COG5: variants seen among roughly 807,000 people sequenced by gnomAD.
COG5 encodes conserved oligomeric Golgi complex subunit 5.
In COG5, 86 loss-of-function variants were observed where a neutral mutation model predicts 110.4. The observed-to-expected ratio is 0.78, with a 90% CI of 0.65 to 0.93. COG5 has a LOEUF of 0.93. Ranked by LOEUF, COG5 falls within the 40% of genes least tolerant of loss-of-function variation. COG5 has a pLI of 0.00. For missense variants in COG5, 1,077 were observed against 987.0 expected, an observed-to-expected ratio of 1.09 and a Z score of -1.22; for synonymous variants, 360 against 334.6, an observed-to-expected ratio of 1.08 and a Z score of -0.83.
At chr7:107,329,931 C>T (rs1302343710) in intron 10 of COG5, among the ~76,000 whole-genome samples, 4 of 152,248 alleles carry the variant, frequency 2.6e-5, no homozygotes, top group East Asian at 1.9e-4. Context: ...GTCAAAACTA[C>T]ATCACATAAA....
intron 6 of COG5, among the ~76,000 whole-genome samples, chr7:107,484,977 G>C (rs1797571904): frequency 6.6e-6 from 1 of 152,080 alleles, no homozygotes; most frequent in Non-Finnish European, 1.5e-5. Context: ...ATGGCCTCTA[G>C]GTTTTCTAGT....
At chr7:107,318,695 T>C (rs566963961) in intron 11 of COG5, among the ~76,000 whole-genome samples, 4 of 152,270 alleles carry the variant, frequency 2.6e-5, no homozygotes, top group Admixed American at 6.5e-5. Flanking sequence ...CCTGTGTACA[T>C]AGAGAGTGAG....
At chr7:107,503,034 TG>T (rs71522837) in intron 6 of COG5, among the ~76,000 whole-genome samples, 482 of 152,242 alleles carry the variant, frequency 3.2e-3, no homozygotes, top group Non-Finnish European at 4.2e-3. Flanking sequence ...TATTTATTTT[TG>T]TTGCATTTGC....
intron 6 of COG5, among the ~76,000 whole-genome samples, chr7:107,433,100 G>A (rs913482139): frequency 6.6e-6 from 1 of 152,066 alleles, no homozygotes; most frequent in African/African-American, 2.4e-5. Flanking sequence ...ATCAAAAAGA[G>A]TAAGACACTT....
At chr7:107,325,853 T>C (rs897940078) in intron 10 of COG5, among the ~76,000 whole-genome samples, 9 of 152,330 alleles carry the variant, frequency 5.9e-5, no homozygotes, top group African/African-American at 1.7e-4. Flanking sequence ...ATAAGTCTTA[T>C]GGTTGTAAAT....
chr7:107,294,902 T>C (rs1160336592), intron 12 of COG5, among the ~76,000 whole-genome samples: 1 of 109,922 alleles, frequency 9.1e-6, no homozygotes, highest in African/African-American at 3.3e-5. Flanking sequence ...TGTGTGTGTG[T>C]GTGTGTGTGT....
chr7:107,437,916 T>C (rs1445888918), intron 6 of COG5, among the ~76,000 whole-genome samples: 1 of 152,158 alleles, frequency 6.6e-6, no homozygotes, highest in Non-Finnish European at 1.5e-5. Context: ...TAGCAAAATA[T>C]GTCCATGAGA....
chr7:107,503,325 C>G (rs114511474), intron 6 of COG5, among the ~76,000 whole-genome samples: 2,255 of 152,194 alleles, frequency 0.015, 56 homozygotes, highest in African/African-American at 0.052. Flanking sequence ...GGCTTTATTT[C>G]TGAGTTCTCT....
intron 21 of COG5, chr7:107,209,679 G>T: frequency 3.1e-6 from 1 of 327,028 alleles, no homozygotes; most frequent in Non-Finnish European, 4.4e-6. Context: ...ACAGATGGCT[G>T]TGGTGTAATG....
At chr7:107,509,627 A>C (rs899652642) in intron 6 of COG5, among the ~76,000 whole-genome samples, 2 of 152,214 alleles carry the variant, frequency 1.3e-5, no homozygotes, top group Admixed American at 1.3e-4. Context: ...TGAAGGACAA[A>C]ATGTTAAGGG....
intron 6 of COG5, among the ~76,000 whole-genome samples, chr7:107,433,667 T>C (rs1794174657): frequency 6.6e-6 from 1 of 152,120 alleles, no homozygotes; most frequent in African/African-American, 2.4e-5. Flanking sequence ...ATACGCAAAA[T>C]TTAACTCAAA....
intron 6 of COG5, among the ~76,000 whole-genome samples, chr7:107,431,566 C>T (rs919744211): frequency 6.6e-6 from 1 of 152,108 alleles, no homozygotes; most frequent in Non-Finnish European, 1.5e-5. Flanking sequence ...TTATTTGGGG[C>T]ATCATCAAAC....
chr7:107,221,503 A>T (rs552506773), intron 19 of COG5, among the ~76,000 whole-genome samples: 17 of 152,072 alleles, frequency 1.1e-4, no homozygotes, highest in Non-Finnish European at 2.1e-4. Flanking sequence ...GGTGGCTCAC[A>T]CCTGTAATCC....
At chr7:107,329,609 T>C (rs191919193) in intron 10 of COG5, among the ~76,000 whole-genome samples, 44 of 152,288 alleles carry the variant, frequency 2.9e-4, no homozygotes, top group Non-Finnish European at 5.0e-4. Flanking sequence ...AGAAATGTTA[T>C]TGCCATGTGC....
In COG5 at chr7:107,291,424, C is replaced by G. The variant is rs566109062; in HGVS notation, c.1313+6718G>C. Among the ~76,000 whole-genome samples, 7 of 152,218 alleles carry G rather than the reference C, an allele frequency of 4.6e-5. No homozygotes were observed. The South Asian group carries it at 8.3e-4, about 18-fold the overall frequency. On this transcript the variant is annotated intron_variant, in intron 12 of 21. Transcript: ENST00000297135. The stretch of plus-strand genomic sequence containing the variant: ...TGTTGCAACTCTGGGTACTGGTCCC[C>G]GCAGCTCTAAGGCTTGTTATTGTTG...
intron 7 of COG5, 84 bp downstream of exon 7, chr7:107,412,418 T>C (rs142700688): frequency 8.7e-6 from 11 of 1,268,018 alleles, no homozygotes; most frequent in African/African-American, 1.5e-5. Flanking sequence ...ATAAGACATA[T>C]ATTACTTTTT....
At chr7:107,392,588 C>T (rs1397340626) in intron 7 of COG5, among the ~76,000 whole-genome samples, 1 of 151,514 alleles carries the variant, frequency 6.6e-6, no homozygotes, top group African/African-American at 2.4e-5. Flanking sequence ...AGTAGAATGA[C>T]CAATGAGTTT....
chr7:107,235,288 A>G (rs1338592551), intron 18 of COG5, among the ~76,000 whole-genome samples: 3 of 152,260 alleles, frequency 2.0e-5, no homozygotes, highest in African/African-American at 7.2e-5. Context: ...GGATACACAC[A>G]AGAATAAATA....
At chr7:107,275,278 A>C (rs7789500) in intron 14 of COG5, among the ~76,000 whole-genome samples, 26,323 of 150,798 alleles carry the variant, frequency 0.17, 2,393 homozygotes, top group Middle Eastern at 0.19. Context: ...AATAGTGAGA[A>C]CCCCATCTCT....
Sources: gnomAD v4.1 joint callset for allele counts (sites outside exome capture counted in the v4.1 genomes callset) on GRCh38, gnomAD v4.1.1 for gene constraint, MANE v1.5 for transcripts, NCBI Gene and HGNC (gene_info 2026-07-23, HGNC 2026-07-21) for gene names.